The following SH3TC2 variants were observed in gnomAD, a reference collection of about 807,000 sequenced individuals.
SH3TC2 encodes the protein SH3 domain and tetratricopeptide repeats 2.
SH3TC2 carries 87 observed loss-of-function variants against 124.5 expected under a neutral mutation model. The observed-to-expected ratio is 0.70, with a 90% CI of 0.59 to 0.84. SH3TC2 has a LOEUF of 0.84. Ranked by LOEUF, SH3TC2 falls within the 40% of genes least tolerant of loss-of-function variation. The pLI, the probability that SH3TC2 is intolerant of heterozygous loss-of-function variation, is 0.00. For synonymous variants in SH3TC2, 634 were observed against 628.5 expected, an observed-to-expected ratio of 1.01 and a Z score of -0.13; for missense variants, 1,536 against 1,566.4, an observed-to-expected ratio of 0.98 and a Z score of 0.33.
intron 8 of SH3TC2, among the ~76,000 whole-genome samples, chr5:149,032,906 C>G (rs192580398): frequency 8.2e-4 from 125 of 152,258 alleles, no homozygotes; most frequent in African/African-American, 2.7e-3. Flanking sequence ...CCCAACACCA[C>G]GGAAGCTTCT....
intron 12 of SH3TC2, 57 bp from the exon 13 acceptor site, chr5:149,012,791 C>G (rs1426300839): frequency 5.6e-6 from 9 of 1,596,950 alleles, no homozygotes; most frequent in Non-Finnish European, 6.9e-6. Flanking sequence ...TTAGGGTCCA[C>G]TCAGCACAGG....
At chr5:149,008,284 G>T in intron 15 of SH3TC2, 1 of 169,112 alleles carries the variant, frequency 5.9e-6, no homozygotes, top group East Asian at 1.6e-4. Flanking sequence ...CCATTTATCT[G>T]TTCTGATGAC....
chr5:149,024,678 TTTGA>T (rs1319034543), intron 12 of SH3TC2, among the ~76,000 whole-genome samples: 1 of 152,192 alleles, frequency 6.6e-6, no homozygotes, highest in Non-Finnish European at 1.5e-5. Context: ...CTAATCCAGT[TTTGA>T]TTGCTTTCCT....
chr5:149,027,037 G>C lies in SH3TC2; in HGVS notation c.2695C>G (p.Leu899Val). Reference sequence around the variant, plus strand: ...CAATAGAGTCGTACAGCCTGCAGGAGATAGTTTCTGGCTGGATGCTGAGCC... The same window carrying C: ...CAATAGAGTCGTACAGCCTGCAGGACATAGTTTCTGGCTGGATGCTGAGCC... ...SWAQHPARNY[L>V]LQAVRLYCEL... The change falls in exon 11 of 17, where the codon CTC (leucine) becomes GTC (valine). Residue 899 changes from leucine to valine, a missense_variant. Coordinates refer to ENST00000515425, the MANE Select transcript of SH3TC2 (RefSeq NM_024577.4). The C allele has an allele frequency of 1.2e-6, 2 of 1,614,194 alleles. No homozygotes were observed. The highest frequency in any genetic ancestry group is 1.7e-6 in the Non-Finnish European group (2 of 1,180,040).
chr5:149,004,482 T>C lies in SH3TC2; in HGVS notation c.*229A>G. The C allele has an allele frequency of 1.8e-6, 1 of 565,244 alleles. No individual in the cohort carries two copies. Among genetic ancestry groups the C allele is most frequent in the Non-Finnish European group, 3.1e-6 (1 of 318,992 alleles). 35.0% of individuals were successfully genotyped at this position (565,244 alleles called of 1,614,324 possible). On this transcript the variant is annotated 3_prime_UTR_variant, in exon 17 of 17. Transcript: ENST00000515425. ...TGTGTGGAAGGCAACAGTCAACCGG[T>C]AAAGGCTCCAGATGCAAAGCCTGGA...
rs1754353598 is a variant in SH3TC2, at chr5:149,040,630, C to T, written c.779G>A (p.Arg260Lys). ...YPGSCGLSRK[R>K]DWTGSYQIGR... ...AATCTGATAGGAGCCTGTCCAATCC[C>T]TCTTCCTGGAAAGGCCACAGCTTCC... Residue 260 changes from arginine (R) to lysine (K), a missense_variant, in exon 7 of 17, where the codon AGG (arginine) becomes AAG (lysine). Arg to Lys is a conservative substitution (Grantham distance 26). Around this residue, in one of 3 missense-constraint regions of SH3TC2, gnomAD observed 1,102 missense variants for 1,098.6 expected, o/e 1.00. Coordinates refer to ENST00000515425, the MANE Select transcript of SH3TC2 (RefSeq NM_024577.4). The T allele has an allele frequency of 8.1e-6, 13 of 1,614,184 alleles. No homozygotes were observed. The East Asian group carries it at 2.9e-4, about 36-fold the overall frequency.
chr5:148,985,248 A>G lies in SH3TC2; in HGVS notation c.*19463T>C, dbSNP rs1753314476. ...ACCCTGTTATGAAGGTATAATTTATATATAATAAAATTCATTATTTTTTAG... is the reference window on the plus strand; with the variant it reads ...ACCCTGTTATGAAGGTATAATTTATGTATAATAAAATTCATTATTTTTTAG... On this transcript the variant is annotated 3_prime_UTR_variant, in exon 17 of 17. Coordinates refer to ENST00000515425, the MANE Select transcript of SH3TC2 (RefSeq NM_024577.4). Among the ~76,000 whole-genome samples, 2 of 152,068 alleles carry G rather than the reference A, an allele frequency of 1.3e-5. No homozygotes were observed. The highest frequency in any genetic ancestry group is 2.9e-5 in the Non-Finnish European group (2 of 68,002).
Position 149,027,389 on chromosome 5 carries a change from G to C in SH3TC2, c.2343C>G (p.Ser781Arg). 2 of 1,614,154 alleles carry C rather than the reference G, an allele frequency of 1.2e-6. No individual in the cohort carries two copies. The highest frequency in any genetic ancestry group is 1.7e-6 in the Non-Finnish European group (2 of 1,180,032). The change falls in exon 11 of 17, where the codon AGC becomes AGG. Residue 781 changes from serine (S) to arginine (R), a missense_variant. Ser to Arg is a moderately radical substitution (Grantham distance 110, BLOSUM62 -1). This residue lies in a region of SH3TC2 where 1,102 missense variants were observed against 1,098.6 expected (regional missense o/e 1.00). Coordinates refer to ENST00000515425, the MANE Select transcript of SH3TC2 (RefSeq NM_024577.4). The part of the protein sequence containing the change: ...RSPDGAIHYL[S>R]QALVLGQLLG... ...GCAGCTGCCCTAGCACCAAGGCCTG[G>C]CTCAGGTAGTGGATGGCACCGTCAG...
At position 148,985,461 on chromosome 5, in the gene SH3TC2, A is replaced by T. The variant is rs886060099; in HGVS notation, c.*19250T>A. ...AAATGCCATATGGATTATATACAGT[A>T]TGTAGCATTTTAAGTCTGACTTCCT... On this transcript the variant is annotated 3_prime_UTR_variant, in exon 17 of 17. Coordinates refer to ENST00000515425, the MANE Select transcript of SH3TC2 (RefSeq NM_024577.4). Among the ~76,000 whole-genome samples, 5 of 152,190 alleles carry T rather than the reference A, an allele frequency of 3.3e-5. No homozygotes were observed. Among genetic ancestry groups the T allele is most frequent in the Non-Finnish European group, 5.9e-5 (4 of 68,022 alleles).
chr5:149,004,723 G>A lies in SH3TC2; in HGVS notation c.3855C>T (p.Gly1285=). The change falls in exon 17 of 17, where the codon GGC becomes GGT. Residue 1285 remains glycine, a synonymous_variant. Coordinates refer to ENST00000515425, the MANE Select transcript of SH3TC2 (RefSeq NM_024577.4). The stretch of plus-strand genomic sequence containing the variant: ...AGGACAGCTTTCCTCAGAGGGCCAG[G>A]CCACCACCACTCAGCCACCGCGCCC... ...SERARWLSGG[G]LAL 6.2e-7 allele frequency: 1 copy of A among 1,613,196 alleles called. No homozygotes were observed. The highest frequency in any genetic ancestry group is 8.5e-7 in the Non-Finnish European group (1 of 1,179,960).
At chr5:149,017,186 T>C (rs1410736888) in intron 12 of SH3TC2, among the ~76,000 whole-genome samples, 1 of 152,134 alleles carries the variant, frequency 6.6e-6, no homozygotes. Context: ...CCTTGTTCAG[T>C]TTTTAGCACA....
Position 149,038,441 on chromosome 5 carries a change from A to C in SH3TC2, c.855T>G (p.Asp285Glu). 2 of 1,614,152 alleles carry C rather than the reference A, an allele frequency of 1.2e-6. No individual in the cohort carries two copies. The highest frequency in any genetic ancestry group is 1.7e-6 in the Non-Finnish European group (2 of 1,180,016). ...TTTCTCCCTGGTAGAAATTCAGTTC[A>C]TCCTTTTCTCCTGGCTCATAACCCG... ...ALTGYEPGEK[D>E]ELNFYQGESI... Residue 285 changes from aspartate to glutamate, a missense_variant, in exon 8 of 17, where the codon GAT becomes GAG. By Grantham distance (45) the Asp-to-Glu change is conservative. This residue lies in a region of SH3TC2 where 1,102 missense variants were observed against 1,098.6 expected (regional missense o/e 1.00). Coordinates refer to ENST00000515425, the MANE Select transcript of SH3TC2 (RefSeq NM_024577.4).
At position 148,987,736 on chromosome 5, in the gene SH3TC2, G is replaced by A. The variant is rs1275787689; in HGVS notation, c.*16975C>T. ...TAAGACTGAGAAGAACAAAGCTGTG[G>A]TCACTCTCCCACCACTTAACAAGCA... On this transcript the variant is annotated 3_prime_UTR_variant, in exon 17 of 17. Transcript: ENST00000515425. 4.6e-5 allele frequency among the ~76,000 whole-genome samples: 7 copies of A among 151,724 alleles called. No homozygotes were observed. Among genetic ancestry groups the A allele is most frequent in the African/African-American group, 1.7e-4 (7 of 41,244 alleles).
intron 15 of SH3TC2, chr5:149,007,896 C>T (rs1409470200): frequency 6.6e-6 from 1 of 152,594 alleles, no homozygotes; most frequent in Non-Finnish European, 1.5e-5. Flanking sequence ...AAATCAGCCA[C>T]AGGGGAAGTA....
In SH3TC2 at chr5:149,047,884, T is replaced by C. The variant is rs138429238; in HGVS notation, c.257A>G (p.Gln86Arg). The C allele has an allele frequency of 8.1e-5, 130 of 1,614,182 alleles. No homozygotes were observed. The African/African-American group carries it at 1.6e-3, about 20-fold the overall frequency. The change falls in exon 3 of 17, where the codon CAG becomes CGG. Residue 86 changes from glutamine to arginine, a missense_variant. Physicochemically the swap from Gln to Arg is conservative, Grantham distance 43. Transcript: ENST00000515425. ...CACCTTAAACAGCATGCGCACCTCC[T>C]GGTCCTCATTCTCCAGTGCCCAGAG... ...RRLWALENED[Q>R]EVRMLFKDLS...
chr5:149,009,612 T>A (rs1362075536), intron 14 of SH3TC2, among the ~76,000 whole-genome samples: 1 of 152,140 alleles, frequency 6.6e-6, no homozygotes, highest in African/African-American at 2.4e-5. Context: ...TAAATGAATA[T>A]CTGAATGAAT....
At chr5:149,042,553 GTAC>G in intron 5 of SH3TC2, 138 bp downstream of exon 5, 1 of 993,830 alleles carries the variant, frequency 1.0e-6, no homozygotes, top group Non-Finnish European at 1.6e-6. Context: ...AATGTTCAAA[GTAC>G]TATTATAACA....
Position 148,994,328 on chromosome 5 carries a change from G to A in SH3TC2, c.*10383C>T, listed in dbSNP as rs866148557. On this transcript the variant is annotated 3_prime_UTR_variant, in exon 17 of 17. Coordinates refer to ENST00000515425, the MANE Select transcript of SH3TC2 (RefSeq NM_024577.4). ...TATACAATGCAATTACTTCTTGCAG[G>A]TAGGAGAAATTAAGAGAAGTCAATG... 7.2e-5 allele frequency among the ~76,000 whole-genome samples: 11 copies of A among 152,184 alleles called. No individual in the cohort carries two copies. Among genetic ancestry groups the A allele is most frequent in the African/African-American group, 2.2e-4 (9 of 41,446 alleles).
rs1368926236 is a variant in SH3TC2 at position 149,028,432 on chromosome 5, C to T, written c.1300G>A (p.Ala434Thr). ...DSSLEEELLS[A>T]TSDSYRLPEP... ...GGCAGGCGATAGCTGTCTGAGGTGG[C>T]CGAGAGGAGCTCCTCCTCCAGGCTG... The change falls in exon 11 of 17, where the codon GCC becomes ACC. Residue 434 changes from alanine to threonine, a missense_variant. Physicochemically the swap from Ala to Thr is moderately conservative, Grantham distance 58. This residue lies in a region of SH3TC2 where 1,102 missense variants were observed against 1,098.6 expected (regional missense o/e 1.00). Coordinates refer to ENST00000515425, the MANE Select transcript of SH3TC2 (RefSeq NM_024577.4). 6.2e-7 allele frequency: 1 copy of T among 1,613,392 alleles called. No homozygotes were observed.
Sources: allele counts gnomAD v4.1 joint callset (sites outside exome capture counted in the v4.1 genomes callset), GRCh38; gene constraint gnomAD v4.1.1; regional missense constraint gnomAD v4.1.1; transcripts MANE v1.5; gene names NCBI Gene and HGNC (gene_info 2026-07-23, HGNC 2026-07-21).